Variants in PSMG2 observed in about 807,000 individuals in gnomAD.
The protein encoded by PSMG2 is proteasome assembly chaperone 2, also known as CD40 ligand-activated specific transcript 3.
A neutral mutation model predicts 31.5 loss-of-function variants in PSMG2; 21 were observed. That is an observed-to-expected ratio of 0.67 (90% CI 0.47 to 0.96). PSMG2 has a LOEUF of 0.96. Ranked by LOEUF, PSMG2 falls within the 40% of genes least tolerant of loss-of-function variation. The probability of loss-of-function intolerance (pLI) is 0.00; values close to 1 mark genes in which losing one functional copy is unlikely to be tolerated. For synonymous variants in PSMG2, 120 were observed against 110.4 expected (o/e 1.09, Z -0.54); for missense variants, 318 against 321.2 (o/e 0.99, Z 0.08).
intron 1 of PSMG2, chr18:12,678,342 T>C: frequency 6.2e-7 from 1 of 1,614,120 alleles, no homozygotes; most frequent in Non-Finnish European, 8.5e-7. Context: ...CCCAGGAACA[T>C]CTGATGGTTG....
chr18:12,703,251 G>C, intron 1 of PSMG2, 87 bp downstream of exon 1: 1 of 1,346,674 alleles, frequency 7.4e-7, no homozygotes, highest in Non-Finnish European at 1.0e-6. Flanking sequence ...GCGGTGCCTT[G>C]GGAGAAATAG....
intron 1 of PSMG2, among the ~76,000 whole-genome samples, chr18:12,686,906 A>G (rs888433975): frequency 6.6e-6 from 1 of 152,206 alleles, no homozygotes; most frequent in Non-Finnish European, 1.5e-5. Context: ...GTTTGTTTCC[A>G]TTAGGGCCTC....
intron 2 of PSMG2, among the ~76,000 whole-genome samples, chr18:12,709,223 T>A (rs1488508381): frequency 2.0e-5 from 3 of 151,234 alleles, no homozygotes; most frequent in Non-Finnish European, 4.4e-5. Flanking sequence ...TTTTTTGTAT[T>A]TTTAGTAGAG....
At position 12,681,437 on chromosome 18, in the gene PSMG2, CAG is replaced by C. The variant is rs143749900; in HGVS notation, c.-37+22665_-37+22666del. ...AATTTTAAAATTTTTTTTGTATAAA[CAG>C]GGGTCTTACTGTGTTACCCAGGCTG... On this transcript the variant is annotated intron_variant, in intron 1 of 6. Transcript: ENST00000585331. Among the ~76,000 whole-genome samples, 1,398 of 151,682 alleles carry C rather than the reference CAG, an allele frequency of 9.2e-3. 27 individuals are homozygous for C. Among genetic ancestry groups the C allele is most frequent in the African/African-American group, 0.033 (1,346 of 41,394 alleles).
At chr18:12,715,657 C>T (rs1329334354) in intron 3 of PSMG2, among the ~76,000 whole-genome samples, 1 of 152,054 alleles carries the variant, frequency 6.6e-6, no homozygotes, top group Admixed American at 6.6e-5. Flanking sequence ...AGGTGCCCGC[C>T]ACCACGCCTG....
In PSMG2 at chr18:12,665,767, T is replaced by G. The variant is rs1222315219; in HGVS notation, c.-37+6994T>G. Among the ~76,000 whole-genome samples the G allele has an allele frequency of 2.0e-5, 3 of 152,190 alleles. No homozygotes were observed. The East Asian group carries it at 5.8e-4, about 29-fold the overall frequency. ...GACTGGAGTGCATTGGCACAATCTC[T>G]GCTTACTGCAACCTCTGCCTCCCAG... On this transcript the variant is annotated intron_variant, in intron 1 of 6. Transcript: ENST00000585331.
intron 1 of PSMG2, among the ~76,000 whole-genome samples, chr18:12,692,469 G>A (rs929971788): frequency 2.0e-5 from 3 of 151,880 alleles, no homozygotes; most frequent in Non-Finnish European, 2.9e-5. Context: ...CAGGGCTTTC[G>A]GTCCTCCATA....
chr18:12,725,345 A>G (rs562427279), intron 6 of PSMG2, 94 bp from the exon 7 acceptor site: 1 of 1,016,516 alleles, frequency 9.8e-7, no homozygotes, highest in Middle Eastern at 2.2e-4. Flanking sequence ...AGTGCCAACC[A>G]AAAGGAACAC....
chr18:12,725,115 T>C (rs557368719), intron 6 of PSMG2, among the ~76,000 whole-genome samples: 2 of 152,360 alleles, frequency 1.3e-5, no homozygotes, highest in African/African-American at 4.8e-5. Context: ...GGTAACTAGC[T>C]TTTTAATTCA....
At chr18:12,719,226 G>A (rs909151341) in intron 4 of PSMG2, among the ~76,000 whole-genome samples, 1 of 151,850 alleles carries the variant, frequency 6.6e-6, no homozygotes. Context: ...GCAACCATTC[G>A]TATTTGCAGA....
chr18:12,698,329 G>T (rs572972719), upstream of PSMG2, among the ~76,000 whole-genome samples: 29 of 151,956 alleles, frequency 1.9e-4, no homozygotes, highest in Non-Finnish European at 4.1e-4. Flanking sequence ...ACCATGCCCG[G>T]CTAGAAATTT....
chr18:12,691,530 T>A, intron 1 of PSMG2: 5 of 1,423,170 alleles, frequency 3.5e-6, no homozygotes, highest in Non-Finnish European at 4.8e-6. Flanking sequence ...ATTCATTATC[T>A]TTAATTACTA....
At chr18:12,682,029 C>G (rs1269288714) in intron 1 of PSMG2, among the ~76,000 whole-genome samples, 2 of 151,696 alleles carry the variant, frequency 1.3e-5, no homozygotes, top group African/African-American at 4.8e-5. Context: ...AAGAAAATAT[C>G]TGATACTGTG....
chr18:12,710,616 C>T (rs2040320441), intron 2 of PSMG2, among the ~76,000 whole-genome samples: 1 of 152,096 alleles, frequency 6.6e-6, no homozygotes, highest in Non-Finnish European at 1.5e-5. Context: ...TCTGATTTGT[C>T]TGATTACGTC....
upstream of PSMG2, among the ~76,000 whole-genome samples, chr18:12,700,676 A>G (rs112775557): frequency 1.3e-5 from 2 of 152,318 alleles, no homozygotes; most frequent in African/African-American, 2.4e-5. Flanking sequence ...TAATTGGACT[A>G]AAGTATGTAT....
chr18:12,664,097 G>A (rs1448746310), intron 1 of PSMG2, among the ~76,000 whole-genome samples: 2 of 152,148 alleles, frequency 1.3e-5, no homozygotes, highest in African/African-American at 4.8e-5. Flanking sequence ...CCGGAGGGGC[G>A]GTGGTTGCGG....
At chr18:12,685,448 A>G (rs1214319920) in intron 1 of PSMG2, 2 of 152,176 alleles carry the variant, frequency 1.3e-5, no homozygotes, top group African/African-American at 2.4e-5. Flanking sequence ...CCTACATCAC[A>G]GAAATCACAA....
intron 3 of PSMG2, among the ~76,000 whole-genome samples, chr18:12,717,528 C>T (rs2145147216): frequency 6.6e-6 from 1 of 152,350 alleles, no homozygotes; most frequent in Admixed American, 6.5e-5. Context: ...GTCACCCCTA[C>T]ATACTTCCGC....
rs148847101 is a variant in PSMG2 at position 12,721,152 on chromosome 18, CCT to C, written c.581+470_581+471del. Among the ~76,000 whole-genome samples the C allele has an allele frequency of 9.0e-3, 1,364 of 152,174 alleles. 24 individuals are homozygous for C. Among genetic ancestry groups the C allele is most frequent in the African/African-American group, 0.032 (1,319 of 41,512 alleles). On this transcript the variant is annotated intron_variant, in intron 5 of 6. Coordinates refer to ENST00000317615, the MANE Select transcript of PSMG2 (RefSeq NM_020232.5). ...CCGAGATCGCGCCACTGCACTCCAG[CCT>C]GGGAGACAGCAAGACTCCGTCTCAA...
Sources: allele counts gnomAD v4.1 joint callset (sites outside exome capture counted in the v4.1 genomes callset), GRCh38; gene constraint gnomAD v4.1.1; transcripts MANE v1.5; gene names NCBI Gene and HGNC (gene_info 2026-07-23, HGNC 2026-07-21).